Variants in BCAR3 observed in about 807,000 individuals in gnomAD.
BCAR3 encodes the protein BCAR3 adaptor protein, NSP family member.
BCAR3 carries 37 observed loss-of-function variants against 80.1 expected under a neutral mutation model. The observed-to-expected ratio is 0.46, with a 90% CI of 0.36 to 0.61. The LOEUF (loss-of-function observed/expected upper bound fraction) is 0.61, where lower values mean the gene tolerates loss of function less well. Among genes scored for constraint, BCAR3 ranks in the 20% least tolerant of loss-of-function variants. The pLI is 0.00. For missense variants in BCAR3, 978 were observed against 1,068.2 expected (o/e 0.92, Z 1.18); for synonymous variants, 389 against 418.9 (o/e 0.93, Z 0.87).
At chr1:93,572,749 G>A (rs994900688) in intron 8 of BCAR3, among the ~76,000 whole-genome samples, 1 of 152,148 alleles carries the variant, frequency 6.6e-6, no homozygotes, top group African/African-American at 2.4e-5. Context: ...GTTTATAGCT[G>A]TAGTTACTAA....
At chr1:93,671,880 A>AT (rs557171873) in intron 2 of BCAR3, among the ~76,000 whole-genome samples, 35 of 149,898 alleles carry the variant, frequency 2.3e-4, no homozygotes, top group South Asian at 1.1e-3. Context: ...ACCTCAGGAG[A>AT]TTTTTTTTTT....
chr1:93,846,882 G>A, intron 1 of BCAR3: 1 of 481,232 alleles, frequency 2.1e-6, no homozygotes, highest in Non-Finnish European at 4.3e-6. Context: ...CAGAAATTCG[G>A]CTCTGGGTCT....
At chr1:93,612,616 C>T (rs1432385127) in intron 3 of BCAR3, among the ~76,000 whole-genome samples, 1 of 152,190 alleles carries the variant, frequency 6.6e-6, no homozygotes, top group Non-Finnish European at 1.5e-5. Flanking sequence ...CCCCGAAGTG[C>T]ACCATACCCT....
At chr1:93,837,961 C>A (rs1297716750) in intron 2 of BCAR3, among the ~76,000 whole-genome samples, 1 of 152,212 alleles carries the variant, frequency 6.6e-6, no homozygotes, top group Non-Finnish European at 1.5e-5. Context: ...AAGGCTCTAG[C>A]ATGGACTCTT....
intron 2 of BCAR3, among the ~76,000 whole-genome samples, chr1:93,659,457 T>C (rs798214): frequency 0.043 from 6,467 of 151,924 alleles, 216 homozygotes; most frequent in African/African-American, 0.081. Flanking sequence ...CCTCCCAAAA[T>C]GCTGAGATTA....
At position 93,582,340 on chromosome 1, in the gene BCAR3, G is replaced by A. The variant is rs147120402; in HGVS notation, c.1647C>T (p.Pro549=). ...TCAGTACGTGCTGGGCGATGACCTT[G>A]GGGTCGTTGTTGGTGAACAGTTCTT... ...RAKELFTNND[P]KVIAQHVLSM... The change falls in exon 7 of 12, where the codon CCC becomes CCT. Residue 549 remains proline, a synonymous_variant. Transcript: ENST00000260502. 16 of 1,614,056 alleles carry A rather than the reference G, an allele frequency of 9.9e-6. No individual in the cohort carries two copies. In the South Asian group the frequency reaches 1.8e-4, roughly 18 times the overall value.
intron 2 of BCAR3, among the ~76,000 whole-genome samples, chr1:93,748,572 A>T (rs963332406): frequency 6.6e-6 from 1 of 152,134 alleles, no homozygotes; most frequent in Admixed American, 6.5e-5. Flanking sequence ...CTGGCTCTTC[A>T]TTAAAGGGAA....
intron 3 of BCAR3, among the ~76,000 whole-genome samples, chr1:93,623,025 T>C (rs753531261): frequency 1.3e-5 from 2 of 152,128 alleles, no homozygotes; most frequent in South Asian, 2.1e-4. Context: ...GGACAAGCTA[T>C]AGATGGGCTG....
chr1:93,752,009 G>A (rs963610218), intron 2 of BCAR3, among the ~76,000 whole-genome samples: 3 of 152,244 alleles, frequency 2.0e-5, no homozygotes, highest in African/African-American at 7.2e-5. Flanking sequence ...GCACTTGAAG[G>A]TTTGCTTTGG....
At chr1:93,765,477 T>C (rs149674665) in intron 2 of BCAR3, among the ~76,000 whole-genome samples, 78 of 152,286 alleles carry the variant, frequency 5.1e-4, no homozygotes, top group African/African-American at 1.9e-3. Flanking sequence ...TGAGATATGA[T>C]TGACAGGTAG....
At chr1:93,767,413 A>G (rs1652192552) in intron 2 of BCAR3, among the ~76,000 whole-genome samples, 1 of 151,952 alleles carries the variant, frequency 6.6e-6, no homozygotes, top group South Asian at 2.1e-4. Context: ...AGTCTCAGTT[A>G]CTTGGGAGAC....
chr1:93,577,002 A>C (rs987328022), intron 7 of BCAR3, among the ~76,000 whole-genome samples: 1 of 152,070 alleles, frequency 6.6e-6, no homozygotes, highest in East Asian at 1.9e-4. Flanking sequence ...AAAAAATTAA[A>C]AATTAGCCAG....
rs1171998696 is a variant in BCAR3 at position 93,825,441 on chromosome 1, C to T, written c.-63+20126G>A. Among the ~76,000 whole-genome samples the T allele has an allele frequency of 2.2e-5, 3 of 134,022 alleles. 1 individual carries two copies. In the East Asian group the frequency reaches 8.6e-4, roughly 38 times the overall value. 87.9% of individuals were successfully genotyped at this position (134,022 alleles called of 152,430 possible). ...AGGTTTTGCAGGCTTGAGCTCCTCCCTGATCAAGAAAAGCAACCTGAACAG... is the reference window on the plus strand; with the variant it reads ...AGGTTTTGCAGGCTTGAGCTCCTCCTTGATCAAGAAAAGCAACCTGAACAG... On this transcript the variant is annotated intron_variant, in intron 2 of 13. Coordinates refer to the BCAR3 transcript ENST00000370244.
chr1:93,679,482 A>C (rs755336432), intron 1 of BCAR3, among the ~76,000 whole-genome samples: 1 of 152,260 alleles, frequency 6.6e-6, no homozygotes, highest in South Asian at 2.1e-4. Context: ...AAGTGAGCCT[A>C]CATGCAGTCT....
intron 3 of BCAR3, among the ~76,000 whole-genome samples, chr1:93,696,259 C>T (rs750505598): frequency 2.0e-5 from 3 of 152,080 alleles, no homozygotes; most frequent in Non-Finnish European, 4.4e-5. Flanking sequence ...ATGGGACAGA[C>T]GGTTTAAAAT....
intron 3 of BCAR3, among the ~76,000 whole-genome samples, chr1:93,614,686 A>AC (rs1412591089): frequency 5.9e-5 from 9 of 152,186 alleles, no homozygotes; most frequent in Non-Finnish European, 1.0e-4. Flanking sequence ...GTCAGCAAAC[A>AC]CCCTGAGCGC....
intron 2 of BCAR3, among the ~76,000 whole-genome samples, chr1:93,652,498 C>G (rs556761468): frequency 6.6e-6 from 1 of 152,068 alleles, no homozygotes; most frequent in Non-Finnish European, 1.5e-5. Context: ...CCCTATAGAC[C>G]GAGCCTCTAA....
At chr1:93,736,413 C>T (rs548996184) in intron 2 of BCAR3, among the ~76,000 whole-genome samples, 1 of 152,330 alleles carries the variant, frequency 6.6e-6, no homozygotes, top group Non-Finnish European at 1.5e-5. Context: ...TCTCAAACTC[C>T]TGACCTCAGG....
At chr1:93,809,281 G>A (rs1048378604) in intron 2 of BCAR3, among the ~76,000 whole-genome samples, 1 of 151,422 alleles carries the variant, frequency 6.6e-6, no homozygotes, top group African/African-American at 2.4e-5. Flanking sequence ...AAAGTCAATA[G>A]AAAAGAATAA....
Sources: allele counts gnomAD v4.1 joint callset (sites outside exome capture counted in the v4.1 genomes callset), GRCh38; gene constraint gnomAD v4.1.1; transcripts MANE v1.5; gene names NCBI Gene and HGNC (gene_info 2026-07-23, HGNC 2026-07-21).